The following FRMD4A variants were observed in gnomAD, a reference collection of about 807,000 sequenced individuals.
The protein encoded by FRMD4A is FERM domain containing 4A.
FRMD4A carries 29 observed loss-of-function variants against 129.1 expected under a neutral mutation model. That is an observed-to-expected ratio of 0.22 (90% confidence interval 0.17 to 0.31). FRMD4A has a LOEUF of 0.31. FRMD4A is among the 10% of genes least tolerant of loss of function. The pLI, the probability that FRMD4A is intolerant of heterozygous loss-of-function variation, is 1.00. For missense variants in FRMD4A, 1,272 were observed against 1,375.8 expected (o/e 0.92, Z 1.19); for synonymous variants, 634 against 571.6 (o/e 1.11, Z -1.56).
intron 3 of FRMD4A, among the ~76,000 whole-genome samples, chr10:13,827,912 G>A (rs1043609513): frequency 4.6e-5 from 7 of 152,262 alleles, no homozygotes; most frequent in African/African-American, 9.6e-5. Flanking sequence ...TGGCTGCTCC[G>A]AGCCCCTTGG....
chr10:14,317,754 C>CG (rs1554808848), intron 2 of FRMD4A, among the ~76,000 whole-genome samples: 2 of 28,272 alleles, frequency 7.1e-5, no homozygotes, highest in East Asian at 1.6e-3. Context: ...AGACAAGAGA[C>CG]GGAAAAAAAA....
chr10:13,659,357 G>A lies in FRMD4A; in HGVS notation c.2032C>T (p.Arg678Trp), dbSNP rs761502052. ...TGGACGTAGTGGGGACTCCGGACCC[G>A]CAGGTCTGGCGTGGACGGCATGCTG... ...QSSMPSTPDL[R>W]VRSPHYVHST... Residue 678 changes from arginine (R) to tryptophan (W), a missense_variant, in exon 21 of 25, where the codon CGG becomes TGG. Around this residue, in one of 2 missense-constraint regions of FRMD4A, gnomAD observed 972 missense variants for 892.3 expected, o/e 1.09. Transcript: ENST00000357447. The A allele has an allele frequency of 9.9e-6, 16 of 1,614,088 alleles. No individual in the cohort carries two copies. Among genetic ancestry groups the A allele is most frequent in the Non-Finnish European group, 1.1e-5 (13 of 1,179,926 alleles).
chr10:14,025,410 C>G (rs1832945206), intron 2 of FRMD4A, among the ~76,000 whole-genome samples: 1 of 151,998 alleles, frequency 6.6e-6, no homozygotes, highest in Non-Finnish European at 1.5e-5. Context: ...TAAGTACATT[C>G]ACCTTGTACT....
chr10:14,182,929 G>A (rs1841960114), intron 2 of FRMD4A, among the ~76,000 whole-genome samples: 1 of 152,154 alleles, frequency 6.6e-6, no homozygotes, highest in African/African-American at 2.4e-5. Flanking sequence ...GCTGCTTCAA[G>A]GGAAATCCTA....
rs150193589 is a variant in FRMD4A, at chr10:13,903,872, G to A, written c.46-44960C>T. ...CACTCCAGCCTGGGTGACAGCGACAGCTTGTCTCTTAAAAAAAAAAATTGT... is the reference window on the plus strand; with the variant it reads ...CACTCCAGCCTGGGTGACAGCGACAACTTGTCTCTTAAAAAAAAAAATTGT... On this transcript the variant is annotated intron_variant, in intron 2 of 24. Coordinates refer to ENST00000357447, the MANE Select transcript of FRMD4A (RefSeq NM_018027.5). Among the ~76,000 whole-genome samples the A allele has an allele frequency of 1.6e-4, 24 of 151,864 alleles. 1 individual carries two copies. Among genetic ancestry groups the A allele is most frequent in the Admixed American group, 7.9e-4 (12 of 15,266 alleles).
chr10:14,008,354 A>G, intron 2 of FRMD4A: 1 of 1,029,736 alleles, frequency 9.7e-7, no homozygotes, highest in African/African-American at 1.7e-5. Context: ...GGGGATGGGA[A>G]GAAAGAAAAC....
intron 24 of FRMD4A, chr10:13,648,837 G>C (rs552257911): frequency 7.9e-5 from 12 of 152,276 alleles, no homozygotes; most frequent in Non-Finnish European, 1.8e-4. Context: ...GTCTGTTTGG[G>C]ATAAAACTTC....
chr10:13,770,679 A>C (rs2092431646), intron 6 of FRMD4A, among the ~76,000 whole-genome samples: 1 of 152,182 alleles, frequency 6.6e-6, no homozygotes, highest in South Asian at 2.1e-4. Context: ...CCTGGGCTCA[A>C]GTAATCCTCC....
At chr10:14,200,655 G>A (rs1285866429) in intron 2 of FRMD4A, among the ~76,000 whole-genome samples, 1 of 152,222 alleles carries the variant, frequency 6.6e-6, no homozygotes, top group Non-Finnish European at 1.5e-5. Context: ...GCACTGTGCA[G>A]GGTGAGCAGC....
intron 5 of FRMD4A, among the ~76,000 whole-genome samples, chr10:13,791,539 A>G (rs973825180): frequency 6.6e-6 from 1 of 152,080 alleles, no homozygotes; most frequent in Non-Finnish European, 1.5e-5. Context: ...AGGGTGCACA[A>G]TGGATTTGCA....
At chr10:14,167,423 G>A (rs1467454454) in intron 2 of FRMD4A, among the ~76,000 whole-genome samples, 1 of 150,626 alleles carries the variant, frequency 6.6e-6, no homozygotes, top group East Asian at 2.0e-4. Context: ...TCCCAGCTAT[G>A]CATGAGGCTG....
At chr10:14,266,087 G>T (rs549319146) in intron 2 of FRMD4A, among the ~76,000 whole-genome samples, 1 of 151,814 alleles carries the variant, frequency 6.6e-6, no homozygotes, top group Non-Finnish European at 1.5e-5. Context: ...TGAACTGAAC[G>T]GGTGTGGGTT....
intron 8 of FRMD4A, among the ~76,000 whole-genome samples, chr10:13,754,264 A>G (rs1159517223): frequency 2.0e-5 from 3 of 149,866 alleles, no homozygotes; most frequent in African/African-American, 7.4e-5. Flanking sequence ...AGCAATTCGC[A>G]TAGAATTTGA....
At chr10:13,948,343 T>C (rs2095347545) in intron 2 of FRMD4A, among the ~76,000 whole-genome samples, 1 of 151,940 alleles carries the variant, frequency 6.6e-6, no homozygotes. Flanking sequence ...TGAGCCACTG[T>C]GCCCAGCCTG....
At chr10:14,315,990 G>A (rs1846724933) in intron 2 of FRMD4A, among the ~76,000 whole-genome samples, 1 of 152,190 alleles carries the variant, frequency 6.6e-6, no homozygotes, top group African/African-American at 2.4e-5. Flanking sequence ...AGGTGGGTTG[G>A]GTGCCCTGCT....
chr10:13,667,386 T>G (rs1055241300), intron 17 of FRMD4A: 1 of 150,596 alleles, frequency 6.6e-6, no homozygotes, highest in Non-Finnish European at 1.5e-5. Context: ...CCCCTCTTTT[T>G]ACTGTAGCTC....
intron 2 of FRMD4A, among the ~76,000 whole-genome samples, chr10:14,128,446 C>A (rs1839049102): frequency 6.6e-6 from 1 of 152,120 alleles, no homozygotes; most frequent in South Asian, 2.1e-4. Context: ...TACACATGGT[C>A]TCCCCTTCCA....
intron 15 of FRMD4A, among the ~76,000 whole-genome samples, chr10:13,682,763 C>T (rs2084726287): frequency 6.6e-6 from 1 of 152,162 alleles, no homozygotes; most frequent in African/African-American, 2.4e-5. Context: ...CTGCCTCGGC[C>T]TCCCAAAGTG....
At chr10:14,319,035 A>G (rs1276241864) in intron 2 of FRMD4A, among the ~76,000 whole-genome samples, 1 of 152,226 alleles carries the variant, frequency 6.6e-6, no homozygotes, top group Non-Finnish European at 1.5e-5. Context: ...GAGGTGGCCC[A>G]CATCATGTGG....
Sources: allele counts gnomAD v4.1 joint callset (sites outside exome capture counted in the v4.1 genomes callset), GRCh38; gene constraint gnomAD v4.1.1; regional missense constraint gnomAD v4.1.1; transcripts MANE v1.5; gene names NCBI Gene and HGNC (gene_info 2026-07-23, HGNC 2026-07-21).